Variants in CELSR2 observed in about 807,000 individuals in gnomAD.
The protein encoded by CELSR2 is EGF-like protein 2.
Under a neutral mutation model 251.6 loss-of-function variants are expected in CELSR2, and 81 were observed. That is an observed-to-expected ratio of 0.32 (90% CI 0.27 to 0.39). CELSR2 has a LOEUF of 0.39. Among genes scored for constraint, CELSR2 ranks in the 10% least tolerant of loss-of-function variants. The probability of loss-of-function intolerance (pLI) is 1.00; values close to 1 mark genes in which losing one functional copy is unlikely to be tolerated. For synonymous variants in CELSR2, 1,721 were observed against 1,670.5 expected (o/e 1.03, Z -0.74); for missense variants, 3,365 against 3,947.7 (o/e 0.85, Z 3.96).
At position 109,252,378 on chromosome 1, in the gene CELSR2, G is replaced by C. The variant is rs779821812; in HGVS notation, c.2299G>C (p.Val767Leu). The C allele has an allele frequency of 3.1e-6, 5 of 1,612,972 alleles. No homozygotes were observed. The South Asian group carries it at 5.5e-5, about 18-fold the overall frequency. Reference protein sequence around the residue: ...QFRIDADTGAVTTQAELDYED... With the variant: ...QFRIDADTGALTTQAELDYED... ...CCGCATCGATGCAGACACGGGGGCT[G>C]TCACCACCCAGGCTGAGCTGGACTA... Residue 767 changes from valine to leucine, a missense_variant, in exon 1 of 34, where the codon GTC becomes CTC. Physicochemically the swap from Val to Leu is conservative, Grantham distance 32. Transcript: ENST00000271332. The surrounding 1 kb of genome is among the most constrained non-coding windows in gnomAD (Gnocchi z 4.8).
chr1:109,256,772 T>G (rs648771), intron 1 of CELSR2, among the ~76,000 whole-genome samples: 22,466 of 152,038 alleles, frequency 0.15, 2,345 homozygotes, highest in African/African-American at 0.29. Flanking sequence ...CTCCTGAGTA[T>G]CTGGGACCTC....
In CELSR2 at chr1:109,268,973, A is replaced by C. The variant is rs764941375; in HGVS notation, c.6596A>C (p.Glu2199Ala). ...CGTGGGGAGCAGCCCCCGGACCTTG[A>C]GACAACAGTCATTCTGCCTGAGTCT... Reference protein sequence around the residue: ...ALRGEQPPDLETTVILPESVF... With the variant: ...ALRGEQPPDLATTVILPESVF... Residue 2199 changes from glutamate (E) to alanine (A), a missense_variant, in exon 19 of 34, where the codon GAG (glutamate) becomes GCG (alanine). Transcript: ENST00000271332. The C allele has an allele frequency of 6.2e-7, 1 of 1,613,496 alleles. No homozygotes were observed. The highest frequency in any genetic ancestry group is 8.5e-7 in the Non-Finnish European group (1 of 1,179,644).
intron 2 of CELSR2, among the ~76,000 whole-genome samples, chr1:109,259,330 G>C (rs1403004518): frequency 6.6e-6 from 1 of 152,270 alleles, no homozygotes; most frequent in Non-Finnish European, 1.5e-5. Context: ...TCCAGAGCCA[G>C]TCGGCCTGTG....
chr1:109,264,768 T>C, intron 11 of CELSR2, 100 bp from the exon 12 acceptor site: 1 of 1,596,404 alleles, frequency 6.3e-7, no homozygotes, highest in Non-Finnish European at 8.6e-7. Context: ...CATAGCCAGC[T>C]GATAGGATGC....
At chr1:109,270,208 G>C in intron 23 of CELSR2, 75 bp downstream of exon 23, 2 of 1,488,394 alleles carry the variant, frequency 1.3e-6, no homozygotes, top group Non-Finnish European at 1.9e-6. Flanking sequence ...GGCAACCCCT[G>C]CTCCTGCACC....
In CELSR2 at chr1:109,259,160, C is replaced by T; in HGVS notation, c.3958+81C>T. ...AGGCACAAATCAGGACAAATGCTGGCGGCTGCCTCATTCTCTTCCCGAGTG... is the reference window on the plus strand; with the variant it reads ...AGGCACAAATCAGGACAAATGCTGGTGGCTGCCTCATTCTCTTCCCGAGTG... On this transcript the variant is annotated intron_variant, in intron 2 of 33. Transcript: ENST00000271332. The T allele has an allele frequency of 1.1e-5, 14 of 1,245,040 alleles. 1 individual carries two copies. Among genetic ancestry groups the T allele is most frequent in the South Asian group, 7.6e-5 (5 of 65,434 alleles). The allele number at this position is 1,245,040 out of a possible 1,614,324, so 77.1% of individuals were successfully genotyped here.
At chr1:109,264,819 T>C in intron 11 of CELSR2, 49 bp from the exon 12 acceptor site, 1 of 1,612,894 alleles carries the variant, frequency 6.2e-7, no homozygotes, top group Non-Finnish European at 8.5e-7. Context: ...TGGAAGATGG[T>C]GCCAGGGGAG....
At chr1:109,270,822 C>T in intron 24 of CELSR2, 105 bp from the exon 25 acceptor site, 2 of 1,001,050 alleles carry the variant, frequency 2.0e-6, no homozygotes, top group Non-Finnish European at 3.0e-6. Flanking sequence ...GGGCAGAACC[C>T]TTTTCCATGC....
At position 109,267,874 on chromosome 1, in the gene CELSR2, G is replaced by C; in HGVS notation, c.6132G>C (p.Glu2044Asp). 1 of 1,605,946 alleles carries C rather than the reference G, an allele frequency of 6.2e-7. No homozygotes were observed. Among genetic ancestry groups the C allele is most frequent in the Non-Finnish European group, 8.5e-7 (1 of 1,176,826 alleles). ...KGFAERLQRN[E>D]SGLDSGRSQQ... Reference sequence around the variant, plus strand: ...AGGCTGAGCGGCTACAGCGGAATGAGTCAGGCCTAGACTCAGGGCGCTCCC... The same window carrying C: ...AGGCTGAGCGGCTACAGCGGAATGACTCAGGCCTAGACTCAGGGCGCTCCC... Residue 2044 changes from glutamate (E) to aspartate (D), a missense_variant, in exon 17 of 34, where the codon GAG (glutamate) becomes GAC (aspartate). By Grantham distance (45) the Glu-to-Asp change is conservative. This residue lies in a region of CELSR2 where 2,093 missense variants were observed against 2,382.8 expected (regional missense o/e 0.88). Coordinates refer to ENST00000271332, the MANE Select transcript of CELSR2 (RefSeq NM_001408.3).
At chr1:109,266,347 T>C in intron 15 of CELSR2, 141 bp downstream of exon 15, 1 of 953,446 alleles carries the variant, frequency 1.0e-6, no homozygotes, top group Admixed American at 2.8e-5. Context: ...CCATCTTCCT[T>C]GGTTCACATT....
Position 109,250,017 on chromosome 1 carries a change from G to T in CELSR2, c.-63G>T. 4 of 1,249,544 alleles carry T rather than the reference G, an allele frequency of 3.2e-6. No homozygotes were observed. Among genetic ancestry groups the T allele is most frequent in the Non-Finnish European group, 4.0e-6 (4 of 1,001,392 alleles). The allele number at this position is 1,249,544 out of a possible 1,614,324, so 77.4% of individuals were successfully genotyped here. On this transcript the variant is annotated 5_prime_UTR_variant, in exon 1 of 34. Coordinates refer to ENST00000271332, the MANE Select transcript of CELSR2 (RefSeq NM_001408.3). The surrounding 1 kb of genome is among the most constrained non-coding windows in gnomAD (Gnocchi z 4.4). ...CCGGGCATGAGGCGCGGCGGGGCCG[G>T]CAGGAGCCGGAGGAGGAGCCGCCGC...
chr1:109,258,590 C>T lies in CELSR2; in HGVS notation c.3469C>T (p.Leu1157=), dbSNP rs1201350296. 6.3e-7 allele frequency: 1 copy of T among 1,596,052 alleles called. No homozygotes were observed. The highest frequency in any genetic ancestry group is 8.5e-7 in the Non-Finnish European group (1 of 1,171,764). Residue 1157 remains leucine (L), a synonymous_variant, in exon 2 of 34, where the codon CTG becomes TTG. Transcript: ENST00000271332. ...CTTCATCCAGGCGGTGGCCGCCACG[C>T]TGGCCACGCCACCGGACCACGTGGT... is the stretch of plus-strand genomic sequence containing the variant. ...GLFIQAVAAT[L]ATPPDHVVVF... is the part of the protein sequence containing the mutation.
rs554584185 is a variant in CELSR2, at chr1:109,253,851, G to A, written c.3310+462G>A. Among the ~76,000 whole-genome samples the A allele has an allele frequency of 6.6e-5, 10 of 152,350 alleles. No homozygotes were observed. The South Asian group carries it at 1.2e-3, about 19-fold the overall frequency. On this transcript the variant is annotated intron_variant, in intron 1 of 33. Coordinates refer to ENST00000271332, the MANE Select transcript of CELSR2 (RefSeq NM_001408.3). ...AGCCTTTGGCAGAGCTGGGGACCAC[G>A]GGAGCACAGGGCTGCCGCCACCCAG...
At position 109,273,949 on chromosome 1, in the gene CELSR2, C is replaced by T. The variant is rs144760817; in HGVS notation, c.8745-73C>T. On this transcript the variant is annotated intron_variant, in intron 33 of 33. Coordinates refer to ENST00000271332, the MANE Select transcript of CELSR2 (RefSeq NM_001408.3). ...TCCTGTTTCCTTCGTCTGGTGAAAGCTTTCACTCTCTCCTCTGTTTCAACT... is the reference window on the plus strand; with the variant it reads ...TCCTGTTTCCTTCGTCTGGTGAAAGTTTTCACTCTCTCCTCTGTTTCAACT... 523 of 1,547,642 alleles carry T rather than the reference C, an allele frequency of 3.4e-4. No homozygotes were observed. The African/African-American group carries it at 6.4e-3, about 19-fold the overall frequency.
At position 109,261,641 on chromosome 1, in the gene CELSR2, G is replaced by GC; in HGVS notation, c.4297+19dup. The GC allele has an allele frequency of 1.9e-6, 3 of 1,607,102 alleles. No individual in the cohort carries two copies. Among genetic ancestry groups the GC allele is most frequent in the South Asian group, 2.2e-5 (2 of 90,962 alleles). On this transcript the variant is annotated intron_variant, in intron 4 of 33. Coordinates refer to ENST00000271332, the MANE Select transcript of CELSR2 (RefSeq NM_001408.3). This position sits in a 1 kb window ranked among gnomAD's most constrained non-coding sequence, Gnocchi z 4.8. ...ACCTTCTCTGCAGGTGATCACAGTTGCCCCCCATCCTTGCCCATCTTCCAA... is the reference window on the plus strand; with the variant it reads ...ACCTTCTCTGCAGGTGATCACAGTTGCCCCCCCATCCTTGCCCATCTTCCAA...
Position 109,272,915 on chromosome 1 carries a change from TGAGGAGGAAGAAGAG to T in CELSR2, c.8238_8252del (p.Glu2748_Glu2752del). 1 of 1,613,124 alleles carries T rather than the reference TGAGGAGGAAGAAGAG, an allele frequency of 6.2e-7. No individual in the cohort carries two copies. The highest frequency in any genetic ancestry group is 8.5e-7 in the Non-Finnish European group (1 of 1,179,776). On this transcript the variant is annotated inframe_deletion, in exon 31 of 34. Transcript: ENST00000271332. ...ATGCCTCTACCCACTCATCAGACAG[TGAGGAGGAAGAAGAG>T]GAGGAGGAAGAGGAGGCCGCCTTCC...
Position 109,263,207 on chromosome 1 carries a change from C to T in CELSR2, c.4774C>T (p.Gln1592Ter). 6.3e-7 allele frequency: 1 copy of T among 1,597,836 alleles called. No homozygotes were observed. Among genetic ancestry groups the T allele is most frequent in the Non-Finnish European group, 8.6e-7 (1 of 1,166,910 alleles). ...TCHNGGTCVN[Q>*]WDAFSCECPL... ...CCACAATGGGGGCACTTGCGTGAAC[C>T]AGTGGGACGCGTTCAGCTGCGAGTG... The change falls in exon 8 of 34, where the codon CAG (glutamine) becomes TAG (stop). Residue 1592 changes from glutamine (Q) to a stop codon, truncating the protein, a stop_gained. Coordinates refer to ENST00000271332, the MANE Select transcript of CELSR2 (RefSeq NM_001408.3). LOFTEE classifies it high-confidence loss of function.
rs2101264983 is a variant in CELSR2 at position 109,266,121 on chromosome 1, C to T, written c.5928C>T (p.Cys1976=). The T allele has an allele frequency of 6.2e-7, 1 of 1,614,048 alleles. No individual in the cohort carries two copies. Among genetic ancestry groups the T allele is most frequent in the East Asian group, 2.2e-5 (1 of 44,882 alleles). Residue 1976 remains cysteine (C), a synonymous_variant, in exon 15 of 34, where the codon TGC becomes TGT. Transcript: ENST00000271332. ...TNGCEVNYDS[C]PRAIEAGIWW... ...TCCCCGCAGTGAATTATGACAGCTG[C>T]CCACGAGCGATTGAGGCTGGGATCT...
At position 109,270,506 on chromosome 1, in the gene CELSR2, C is replaced by T. The variant is rs1353628985; in HGVS notation, c.7389C>T (p.His2463=). The T allele has an allele frequency of 2.5e-6, 4 of 1,614,102 alleles. No homozygotes were observed. The highest frequency in any genetic ancestry group is 2.2e-5 in the East Asian group (1 of 44,898). Residue 2463 remains histidine, a synonymous_variant, in exon 24 of 34, where the codon CAC becomes CAT. Transcript: ENST00000271332. ...TFSWALLEAL[H]LYRALTEVRD... ...CCTGGGCTCTGCTGGAGGCCTTGCA[C>T]CTGTACCGGGCACTCACTGAGGTGC...
Sources: allele counts gnomAD v4.1 joint callset (sites outside exome capture counted in the v4.1 genomes callset), GRCh38; gene constraint gnomAD v4.1.1; regional missense constraint gnomAD v4.1.1; non-coding constraint Gnocchi (gnomAD v3.1); transcripts MANE v1.5; gene names NCBI Gene and HGNC (gene_info 2026-07-23, HGNC 2026-07-21).